The following SORCS2 variants were observed in gnomAD, a reference collection of about 807,000 sequenced individuals.
The protein encoded by SORCS2 is VPS10 domain-containing receptor SorCS2.
Under a neutral mutation model 141.6 loss-of-function variants are expected in SORCS2, and 100 were observed. That is an observed-to-expected ratio of 0.71 (90% CI 0.60 to 0.83). The LOEUF is 0.83. Ranked by LOEUF, SORCS2 falls within the 40% of genes least tolerant of loss-of-function variation. The probability of loss-of-function intolerance (pLI) is 0.00; values close to 1 mark genes in which losing one functional copy is unlikely to be tolerated. For missense variants in SORCS2, 1,646 were observed against 1,560.2 expected (o/e 1.05, Z -0.93); for synonymous variants, 789 against 676.9 (o/e 1.17, Z -2.57).
rs376628619 is a variant in SORCS2, at chr4:7,699,482, G to C, written c.1668+2208G>C. Among the ~76,000 whole-genome samples the C allele has an allele frequency of 1.7e-3, 256 of 152,280 alleles. 2 individuals are homozygous for C. The highest frequency in any genetic ancestry group is 5.7e-3 in the African/African-American group (236 of 41,560). On this transcript the variant is annotated intron_variant, in intron 12 of 26. Coordinates refer to ENST00000507866, the MANE Select transcript of SORCS2 (RefSeq NM_020777.3). Reference sequence around the variant, plus strand: ...GCCCTGGTGTGCACCGGCTCAGGGGGCCAGCTCAGTACCAAAGGGAAATTG... The same window carrying C: ...GCCCTGGTGTGCACCGGCTCAGGGGCCCAGCTCAGTACCAAAGGGAAATTG...
At position 7,563,074 on chromosome 4, in the gene SORCS2, G is replaced by T. The variant is rs62277481; in HGVS notation, c.648+31445G>T. On this transcript the variant is annotated intron_variant, in intron 3 of 26. Coordinates refer to ENST00000507866, the MANE Select transcript of SORCS2 (RefSeq NM_020777.3). Reference sequence around the variant, plus strand: ...GTACAAAGAAATTCCTAGTTCCCTGGTCATACCAAAATCCGTTCTGTGGAT... The same window carrying T: ...GTACAAAGAAATTCCTAGTTCCCTGTTCATACCAAAATCCGTTCTGTGGAT... Among the ~76,000 whole-genome samples the T allele has an allele frequency of 2.9e-3, 437 of 152,222 alleles. 1 individual carries two copies. The highest frequency in any genetic ancestry group is 4.5e-3 in the Non-Finnish European group (307 of 68,020).
At chr4:7,488,335 C>G (rs149320243) in intron 2 of SORCS2, among the ~76,000 whole-genome samples, 2 of 152,332 alleles carry the variant, frequency 1.3e-5, no homozygotes, top group African/African-American at 4.8e-5. Context: ...GAGTCCTGCT[C>G]CTGACAAACA....
At chr4:7,511,563 A>G (rs1185413580) in intron 2 of SORCS2, among the ~76,000 whole-genome samples, 2 of 151,950 alleles carry the variant, frequency 1.3e-5, no homozygotes, top group East Asian at 1.9e-4. Flanking sequence ...GGGGTTGAAG[A>G]GAGAGTGAGC....
chr4:7,237,806 GA>G (rs1487460165), intron 1 of SORCS2, among the ~76,000 whole-genome samples: 1 of 151,988 alleles, frequency 6.6e-6, no homozygotes, highest in Non-Finnish European at 1.5e-5. Context: ...CCAAGGAGGG[GA>G]GTTTCGTTTT....
intron 2 of SORCS2, among the ~76,000 whole-genome samples, chr4:7,427,254 G>GC (rs1198112688): frequency 6.6e-6 from 1 of 152,152 alleles, no homozygotes. Flanking sequence ...TCAGGCTCTG[G>GC]GGGGGGCTTT....
intron 1 of SORCS2, among the ~76,000 whole-genome samples, chr4:7,273,051 C>T (rs1392331998): frequency 6.6e-6 from 1 of 152,238 alleles, no homozygotes; most frequent in Non-Finnish European, 1.5e-5. Context: ...GGGGCTGCTA[C>T]CTCTCCATGT....
intron 2 of SORCS2, among the ~76,000 whole-genome samples, chr4:7,487,814 G>A (rs1453891117): frequency 6.6e-6 from 1 of 152,166 alleles, no homozygotes; most frequent in Non-Finnish European, 1.5e-5. Context: ...GAGGGCTCTG[G>A]CTGTGTGCTC....
chr4:7,533,212 G>A (rs181895137), intron 3 of SORCS2, among the ~76,000 whole-genome samples: 1 of 152,348 alleles, frequency 6.6e-6, no homozygotes, highest in East Asian at 1.9e-4. Context: ...GCTGAGGGTG[G>A]AGGGTGTTGT....
intron 1 of SORCS2, among the ~76,000 whole-genome samples, chr4:7,195,537 G>A (rs1727123570): frequency 6.6e-6 from 1 of 152,188 alleles, no homozygotes; most frequent in South Asian, 2.1e-4. Flanking sequence ...CTGAACCTCA[G>A]GGAGCAGGCG....
intron 3 of SORCS2, among the ~76,000 whole-genome samples, chr4:7,585,555 C>T (rs1289537051): frequency 1.3e-5 from 2 of 152,206 alleles, no homozygotes; most frequent in East Asian, 1.9e-4. Flanking sequence ...GGATATCTCT[C>T]GTCTACCACT....
intron 1 of SORCS2, among the ~76,000 whole-genome samples, chr4:7,236,608 G>T (rs1712293445): frequency 6.6e-6 from 1 of 152,142 alleles, no homozygotes; most frequent in Non-Finnish European, 1.5e-5. Flanking sequence ...TTGAGGTGGA[G>T]TCTCGCTCTG....
chr4:7,346,456 C>T (rs1252140165), intron 1 of SORCS2, among the ~76,000 whole-genome samples: 1 of 152,174 alleles, frequency 6.6e-6, no homozygotes, highest in East Asian at 1.9e-4. Flanking sequence ...TACAGCCTAG[C>T]ATGTGATCTA....
chr4:7,291,800 C>T (rs895407208), intron 1 of SORCS2, among the ~76,000 whole-genome samples: 4 of 152,184 alleles, frequency 2.6e-5, no homozygotes, highest in Non-Finnish European at 4.4e-5. Flanking sequence ...TTTATGGACA[C>T]GGAAGCCGAT....
At chr4:7,264,344 T>C (rs192308999) in intron 1 of SORCS2, among the ~76,000 whole-genome samples, 2 of 152,328 alleles carry the variant, frequency 1.3e-5, no homozygotes, top group African/African-American at 4.8e-5. Context: ...TTGGATGCCC[T>C]GATCTCCTAG....
chr4:7,404,089 C>A (rs900523467), intron 2 of SORCS2, among the ~76,000 whole-genome samples: 2 of 148,822 alleles, frequency 1.3e-5, no homozygotes, highest in Non-Finnish European at 3.0e-5. Flanking sequence ...GTTCTACGTT[C>A]TGTTCCATTG....
At chr4:7,676,527 CTT>C (rs1433161593) in intron 9 of SORCS2, among the ~76,000 whole-genome samples, 2 of 152,296 alleles carry the variant, frequency 1.3e-5, no homozygotes, top group African/African-American at 2.4e-5. Flanking sequence ...ATTTTACTGA[CTT>C]GGGTTCAGCC....
At chr4:7,403,997 A>ATATATATATATATATATTT (rs1265288820) in intron 2 of SORCS2, among the ~76,000 whole-genome samples, 7 of 18,964 alleles carry the variant, frequency 3.7e-4, no homozygotes, top group Non-Finnish European at 5.0e-4. Context: ...ATATATATAT[A>ATATATATATATATATATTT]TTTTTTTTTT....
intron 1 of SORCS2, among the ~76,000 whole-genome samples, chr4:7,331,242 T>C (rs1395179445): frequency 1.3e-5 from 2 of 152,082 alleles, no homozygotes; most frequent in Non-Finnish European, 2.9e-5. Context: ...GGGCTCGGCA[T>C]GCACCTCACG....
chr4:7,551,706 C>A (rs149435661), intron 3 of SORCS2, among the ~76,000 whole-genome samples: 1 of 152,194 alleles, frequency 6.6e-6, no homozygotes, highest in African/African-American at 2.4e-5. Context: ...CACCCTCACC[C>A]GGAGCCTTCC....
Sources: allele counts gnomAD v4.1 joint callset (sites outside exome capture counted in the v4.1 genomes callset), GRCh38; gene constraint gnomAD v4.1.1; transcripts MANE v1.5; gene names NCBI Gene and HGNC (gene_info 2026-07-23, HGNC 2026-07-21).